SLC25A21: variants seen among roughly 807,000 people sequenced by gnomAD.
SLC25A21 encodes the protein solute carrier family 25 member 21, also known as mitochondrial 2-oxodicarboxylate carrier.
Under a neutral mutation model 43.8 loss-of-function variants are expected in SLC25A21, and 47 were observed. The observed-to-expected ratio is 1.07, with a 90% CI of 0.85 to 1.37. The LOEUF (loss-of-function observed/expected upper bound fraction) is 1.37, where lower values mean the gene tolerates loss of function less well. Among genes scored for constraint, SLC25A21 ranks in the 40% most tolerant of loss-of-function variants. SLC25A21 has a pLI of 0.00. For missense variants in SLC25A21, 352 were observed against 350.2 expected, an observed-to-expected ratio of 1.00 and a Z score of -0.04; for synonymous variants, 131 against 121.3, an observed-to-expected ratio of 1.08 and a Z score of -0.52.
At chr14:37,118,852 T>G (rs1193006489) in intron 1 of SLC25A21, among the ~76,000 whole-genome samples, 1 of 152,122 alleles carries the variant, frequency 6.6e-6, no homozygotes, top group Admixed American at 6.6e-5. Context: ...GACTCCATCT[T>G]GAACACAGGC....
At chr14:37,121,383 T>C (rs772250864) in intron 1 of SLC25A21, among the ~76,000 whole-genome samples, 13 of 152,154 alleles carry the variant, frequency 8.5e-5, no homozygotes, top group Non-Finnish European at 1.8e-4. Context: ...GGAAACAAAA[T>C]GACATGTCAG....
intron 1 of SLC25A21, among the ~76,000 whole-genome samples, chr14:36,966,189 T>C (rs2138680340): frequency 6.6e-6 from 1 of 152,238 alleles, no homozygotes; most frequent in African/African-American, 2.4e-5. Flanking sequence ...AGGTAGCTTC[T>C]CTCTTCCCTC....
chr14:37,018,991 C>CTTTT, intron 1 of SLC25A21, among the ~76,000 whole-genome samples: 1 of 152,122 alleles, frequency 6.6e-6, no homozygotes, highest in East Asian at 1.9e-4. Context: ...AACGTTATGT[C>CTTTT]TTGCTCCATC....
At chr14:36,901,488 A>C (rs945652394) in intron 1 of SLC25A21, among the ~76,000 whole-genome samples, 1 of 152,204 alleles carries the variant, frequency 6.6e-6, no homozygotes, top group Non-Finnish European at 1.5e-5. Flanking sequence ...ACATAAGCAT[A>C]AACTCTATAA....
intron 1 of SLC25A21, among the ~76,000 whole-genome samples, chr14:37,080,976 C>T (rs1181744219): frequency 6.6e-6 from 1 of 152,306 alleles, no homozygotes; most frequent in East Asian, 1.9e-4. Context: ...TTATCGACTA[C>T]CTCTATCTAT....
chr14:37,096,842 C>T (rs1962703891), intron 1 of SLC25A21, among the ~76,000 whole-genome samples: 1 of 151,322 alleles, frequency 6.6e-6, no homozygotes, highest in Non-Finnish European at 1.5e-5. Context: ...GGTCTCATAT[C>T]TCTGTCACCT....
chr14:36,731,799 T>C (rs1463520464), intron 4 of SLC25A21, among the ~76,000 whole-genome samples: 2 of 152,188 alleles, frequency 1.3e-5, no homozygotes, highest in African/African-American at 2.4e-5. Flanking sequence ...TCTATCTCTG[T>C]GCAGCCTGCT....
At chr14:37,155,198 G>A (rs902894386) in intron 1 of SLC25A21, among the ~76,000 whole-genome samples, 2 of 151,978 alleles carry the variant, frequency 1.3e-5, no homozygotes, top group African/African-American at 2.4e-5. Context: ...AGCCTCCCAA[G>A]TAGCTGGACT....
intron 1 of SLC25A21, among the ~76,000 whole-genome samples, chr14:36,943,050 G>A (rs1382044232): frequency 1.3e-5 from 2 of 152,174 alleles, no homozygotes; most frequent in African/African-American, 4.8e-5. Flanking sequence ...AGCAAAGGCG[G>A]AATTACTACT....
At chr14:36,715,982 T>C (rs974640426) in intron 6 of SLC25A21, among the ~76,000 whole-genome samples, 1 of 152,024 alleles carries the variant, frequency 6.6e-6, no homozygotes, top group Non-Finnish European at 1.5e-5. Flanking sequence ...TCCCAGCTAC[T>C]TGGGAGGCTG....
intron 2 of SLC25A21, among the ~76,000 whole-genome samples, chr14:36,848,650 G>A (rs1212579510): frequency 6.6e-6 from 1 of 152,164 alleles, no homozygotes; most frequent in Non-Finnish European, 1.5e-5. Flanking sequence ...AGATTTCTCT[G>A]CCTTATAAAA....
intron 1 of SLC25A21, among the ~76,000 whole-genome samples, chr14:37,076,800 A>G (rs1962290889): frequency 6.6e-6 from 1 of 152,128 alleles, no homozygotes; most frequent in African/African-American, 2.4e-5. Flanking sequence ...AGACTTCTTA[A>G]TGTTTAATAT....
intron 1 of SLC25A21, among the ~76,000 whole-genome samples, chr14:37,168,070 G>A (rs889122301): frequency 1.3e-5 from 2 of 152,102 alleles, no homozygotes; most frequent in African/African-American, 2.4e-5. Context: ...GTTACAGTAG[G>A]TGAGGCCTGG....
intron 3 of SLC25A21, among the ~76,000 whole-genome samples, chr14:36,745,491 C>T (rs539274503): frequency 5.9e-5 from 9 of 152,188 alleles, no homozygotes; most frequent in Non-Finnish European, 7.3e-5. Flanking sequence ...TTCTCCACAT[C>T]GTCTCCAGCC....
intron 1 of SLC25A21, among the ~76,000 whole-genome samples, chr14:37,061,448 C>T (rs1961946219): frequency 6.6e-6 from 1 of 152,170 alleles, no homozygotes; most frequent in African/African-American, 2.4e-5. Flanking sequence ...CATTTTCTCC[C>T]TTATGCAACT....
Position 36,713,632 on chromosome 14 carries a change from T to C in SLC25A21, c.439-2150A>G, listed in dbSNP as rs575480386. The stretch of plus-strand genomic sequence containing the variant: ...ACTTTGGCAAGTATTTTATCCTCTC[T>C]GATTGATTCTCACTTTATTAATTTC... On this transcript the variant is annotated intron_variant, in intron 6 of 9. Coordinates refer to ENST00000331299, the MANE Select transcript of SLC25A21 (RefSeq NM_030631.4). Among the ~76,000 whole-genome samples, 5 of 152,310 alleles carry C rather than the reference T, an allele frequency of 3.3e-5. No homozygotes were observed. In the South Asian group the frequency reaches 1.0e-3, roughly 32 times the overall value.
intron 1 of SLC25A21, among the ~76,000 whole-genome samples, chr14:36,964,961 A>T (rs78014133): frequency 1.3e-5 from 2 of 152,086 alleles, no homozygotes; most frequent in African/African-American, 4.8e-5. Flanking sequence ...TAGATGATAA[A>T]CTTTTCTAAA....
chr14:36,744,328 A>T lies in SLC25A21; in HGVS notation c.204-9755T>A, dbSNP rs192845387. Among the ~76,000 whole-genome samples the T allele has an allele frequency of 3.3e-3, 506 of 152,314 alleles. 3 individuals are homozygous for T. Among genetic ancestry groups the T allele is most frequent in the African/African-American group, 0.011 (471 of 41,580 alleles). ...ATAACCAAAACAGCATGGCATTAGC[A>T]CAAAAACAGACAGATAGATCAATGG... is the stretch of plus-strand genomic sequence containing the variant. On this transcript the variant is annotated intron_variant, in intron 3 of 9. Coordinates refer to ENST00000331299, the MANE Select transcript of SLC25A21 (RefSeq NM_030631.4).
intron 1 of SLC25A21, among the ~76,000 whole-genome samples, chr14:37,030,185 C>T (rs1594759604): frequency 1.3e-5 from 2 of 151,978 alleles, no homozygotes; most frequent in Non-Finnish European, 2.9e-5. Flanking sequence ...AGAGAAAATA[C>T]ATTTACTTTT....
Sources: allele counts gnomAD v4.1 joint callset (sites outside exome capture counted in the v4.1 genomes callset), GRCh38; gene constraint gnomAD v4.1.1; transcripts MANE v1.5; gene names NCBI Gene and HGNC (gene_info 2026-07-23, HGNC 2026-07-21).